The following SYNE1 variants were observed in gnomAD, a reference collection of about 807,000 sequenced individuals.
The protein encoded by SYNE1 is spectrin repeat containing nuclear envelope protein 1, also known as nesprin-1.
A neutral mutation model predicts 1,111.0 loss-of-function variants in SYNE1; 616 were observed. The ratio of observed to expected loss-of-function variants is 0.55; its 90% CI spans 0.52 to 0.59. The LOEUF is 0.59. SYNE1 is among the 20% of genes least tolerant of loss of function. SYNE1 has a pLI of 0.00. For missense variants in SYNE1, 10,006 were observed against 10,417.0 expected (o/e 0.96, Z 1.72); for synonymous variants, 3,855 against 3,825.8 (o/e 1.01, Z -0.28).
intron 109 of SYNE1, 68 bp downstream of exon 109, chr6:152,236,749 G>C: frequency 6.3e-7 from 1 of 1,575,862 alleles, no homozygotes; most frequent in South Asian, 1.1e-5. Context: ...TTGATCACAA[G>C]TTTGTTTACA....
In SYNE1 at chr6:152,354,935, G is replaced by A. The variant is rs772377391; in HGVS notation, c.10650C>T (p.Asn3550=). 2.0e-5 allele frequency: 32 copies of A among 1,614,016 alleles called. No homozygotes were observed. The highest frequency in any genetic ancestry group is 2.6e-5 in the Non-Finnish European group (31 of 1,180,042). Reference sequence around the variant, plus strand: ...CATCCTCTCTGGTGTGCAGCACTGAGTTCAACAGGGCCTGCCCCTCTGCAC... The same window carrying A: ...CATCCTCTCTGGTGTGCAGCACTGAATTCAACAGGGCCTGCCCCTCTGCAC... ...VHCAEGQALL[N]SVLHTREDVI... Residue 3550 remains asparagine (N), a synonymous_variant, in exon 67 of 146, where the codon AAC becomes AAT. Coordinates refer to ENST00000367255, the MANE Select transcript of SYNE1 (RefSeq NM_182961.4).
intron 105 of SYNE1, among the ~76,000 whole-genome samples, chr6:152,246,578 G>A (rs1232346139): frequency 6.6e-6 from 1 of 152,154 alleles, no homozygotes; most frequent in Non-Finnish European, 1.5e-5. Context: ...CAGTTCAAGG[G>A]TTGAACCCGA....
rs764002239 is a variant in SYNE1 at position 152,329,841 on chromosome 6, T to C, written c.14844A>G (p.Glu4948=). Residue 4948 remains glutamate, a synonymous_variant, in exon 78 of 146, where the codon GAA becomes GAG. Transcript: ENST00000367255. Reference sequence around the variant, plus strand: ...CCTTGGCCTTTGTGAACTTCTCCTTTTCCTTGTGACTCAGCGCATTCATGA... The same window carrying C: ...CCTTGGCCTTTGTGAACTTCTCCTTCTCCTTGTGACTCAGCGCATTCATGA... ...LRIMNALSHK[E]KEKFTKAKEL... The C allele has an allele frequency of 1.2e-6, 2 of 1,614,174 alleles. No individual in the cohort carries two copies. The highest frequency in any genetic ancestry group is 1.7e-5 in the Admixed American group (1 of 60,020).
chr6:152,573,274 T>C (rs1016842759), intron 3 of SYNE1, among the ~76,000 whole-genome samples: 14 of 151,832 alleles, frequency 9.2e-5, no homozygotes, highest in Admixed American at 3.9e-4. Flanking sequence ...GTTGGTGTGC[T>C]GCACCCATTA....
intron 135 of SYNE1, among the ~76,000 whole-genome samples, chr6:152,151,056 A>G (rs186605274): frequency 1.3e-5 from 2 of 152,132 alleles, no homozygotes; most frequent in African/African-American, 2.4e-5. Context: ...TACTAAAAAA[A>G]TACAAAAATA....
At chr6:152,538,205 C>T (rs149956019) in intron 4 of SYNE1, among the ~76,000 whole-genome samples, 1 of 152,046 alleles carries the variant, frequency 6.6e-6, no homozygotes, top group African/African-American at 2.4e-5. Context: ...GAAATTTATC[C>T]TAAGAAGAAA....
intron 12 of SYNE1, among the ~76,000 whole-genome samples, chr6:152,487,989 G>T (rs1593763184): frequency 6.6e-6 from 1 of 151,694 alleles, no homozygotes; most frequent in Non-Finnish European, 1.5e-5. Flanking sequence ...GCAGGAGAAT[G>T]GTGTGAACCC....
In SYNE1 at chr6:152,221,577, C is replaced by T; in HGVS notation, c.21523-18G>A. The T allele has an allele frequency of 6.2e-7, 1 of 1,613,418 alleles. No homozygotes were observed. The highest frequency in any genetic ancestry group is 8.5e-7 in the Non-Finnish European group (1 of 1,179,868). On this transcript the variant is annotated intron_variant, in intron 117 of 145. Coordinates refer to ENST00000367255, the MANE Select transcript of SYNE1 (RefSeq NM_182961.4). ...TGGAGATTCTGCCCCAAAAAAAAGA[C>T]CCATAGATGACATAACAGGATCTAA...
At chr6:152,505,130 G>T in intron 9 of SYNE1, 71 bp downstream of exon 9, 1 of 1,533,096 alleles carries the variant, frequency 6.5e-7, no homozygotes, top group Non-Finnish European at 9.0e-7. Context: ...GAAGTCATGT[G>T]TATTTCTGGG....
chr6:152,585,207 GT>G (rs202196000), intron 3 of SYNE1, among the ~76,000 whole-genome samples: 3,268 of 152,238 alleles, frequency 0.021, 125 homozygotes, highest in African/African-American at 0.074. Flanking sequence ...TGCCATGACT[GT>G]TAAGTTTCCT....
chr6:152,204,353 G>T (rs1318880195), intron 126 of SYNE1, among the ~76,000 whole-genome samples: 1 of 145,274 alleles, frequency 6.9e-6, no homozygotes, highest in Non-Finnish European at 1.5e-5. Flanking sequence ...GTGACACAGG[G>T]AGACTCTATG....
Position 152,331,212 on chromosome 6 carries a change from T to C in SYNE1, c.13473A>G (p.Lys4491=). ...GTGCACTCTTACATGTTTTGACTTG[T>C]TTGCTCACATCATCTGGTAACAGAC... ...HICLLPDDVS[K]QVKTCKSAQA... Residue 4491 remains lysine (K), a synonymous_variant, in exon 78 of 146, where the codon AAA becomes AAG. Coordinates refer to ENST00000367255, the MANE Select transcript of SYNE1 (RefSeq NM_182961.4). 6 of 1,614,036 alleles carry C rather than the reference T, an allele frequency of 3.7e-6. No individual in the cohort carries two copies. Among genetic ancestry groups the C allele is most frequent in the Non-Finnish European group, 5.1e-6 (6 of 1,180,040 alleles).
intron 95 of SYNE1, 102 bp downstream of exon 95, chr6:152,293,486 A>T (rs2094708864): frequency 1.1e-5 from 15 of 1,396,734 alleles, no homozygotes; most frequent in African/African-American, 5.7e-5. Context: ...AAAAATTTTT[A>T]AAAAGTCACC....
intron 75 of SYNE1, among the ~76,000 whole-genome samples, chr6:152,337,446 C>A (rs1352297056): frequency 1.3e-5 from 2 of 152,220 alleles, no homozygotes; most frequent in African/African-American, 4.8e-5. Context: ...TGCGCCGTCA[C>A]ACCCAACTAA....
intron 66 of SYNE1, among the ~76,000 whole-genome samples, chr6:152,355,709 T>C (rs968356506): frequency 2.6e-5 from 4 of 152,204 alleles, no homozygotes; most frequent in African/African-American, 9.6e-5. Flanking sequence ...TTTCTGGTGA[T>C]AAACATAAAT....
Position 152,442,019 on chromosome 6 carries a change from C to G in SYNE1, c.4008+56G>C, listed in dbSNP as rs2098535108. On this transcript the variant is annotated intron_variant, in intron 31 of 145. Transcript: ENST00000367255. Reference sequence around the variant, plus strand: ...TCGCCTTGGTGTTATGAGGCACAACCGGAAGTGAACACTGCCCAGCCTCTG... The same window carrying G: ...TCGCCTTGGTGTTATGAGGCACAACGGGAAGTGAACACTGCCCAGCCTCTG... 2.5e-6 allele frequency: 4 copies of G among 1,605,402 alleles called. No homozygotes were observed. In the South Asian group the frequency reaches 3.3e-5, roughly 13 times the overall value.
chr6:152,142,191 C>G (rs116203704), intron 138 of SYNE1, among the ~76,000 whole-genome samples: 2 of 152,128 alleles, frequency 1.3e-5, no homozygotes, highest in Admixed American at 6.5e-5. Flanking sequence ...TGATTTTGCA[C>G]GAGAAGTCCT....
At chr6:152,331,935 A>G (rs767624152) in intron 77 of SYNE1, 45 bp from the exon 78 acceptor site, 24 of 1,602,460 alleles carry the variant, frequency 1.5e-5, no homozygotes, top group African/African-American at 6.7e-5. Flanking sequence ...GCTGTAGTCA[A>G]TATCGATGTT....
At chr6:152,548,045 A>C (rs2099322927) in intron 3 of SYNE1, among the ~76,000 whole-genome samples, 1 of 152,216 alleles carries the variant, frequency 6.6e-6, no homozygotes, top group South Asian at 2.1e-4. Context: ...AAAAAAGAGA[A>C]CATTTGGAAA....
Sources: gnomAD v4.1 joint callset for allele counts (sites outside exome capture counted in the v4.1 genomes callset) on GRCh38, gnomAD v4.1.1 for gene constraint, MANE v1.5 for transcripts, NCBI Gene and HGNC (gene_info 2026-07-23, HGNC 2026-07-21) for gene names.